The following TYRP1 variants were observed in gnomAD, a reference collection of about 807,000 sequenced individuals.
TYRP1 encodes tyrosinase related protein 1, also known as 5,6-dihydroxyindole-2-carboxylic acid oxidase.
A neutral mutation model predicts 42.8 loss-of-function variants in TYRP1; 49 were observed. The ratio of observed to expected loss-of-function variants is 1.14; its 90% CI spans 0.91 to 1.45. TYRP1 has a LOEUF of 1.45. Among genes scored for constraint, TYRP1 ranks in the 40% most tolerant of loss-of-function variants. The pLI, the probability that TYRP1 is intolerant of heterozygous loss-of-function variation, is 0.00. For synonymous variants in TYRP1, 279 were observed against 235.4 expected, an observed-to-expected ratio of 1.19 and a Z score of -1.69; for missense variants, 848 against 662.0, an observed-to-expected ratio of 1.28 and a Z score of -3.08.
chr9:12,709,147 G>GAA lies in TYRP1; in HGVS notation c.1583_1584dup (p.Leu529AsnfsTer27), dbSNP rs755282108. 7 of 1,612,362 alleles carry GAA rather than the reference G, an allele frequency of 4.3e-6. No homozygotes were observed. In the African/African-American group the frequency reaches 9.4e-5, roughly 22 times the overall value. ...GTATCAATGCTATGCTGAAGAATAT[G>GAA]AAAAACTCCAGAATCCTAATCAGTC... is the stretch of plus-strand genomic sequence containing the variant. On this transcript the variant is annotated frameshift_variant, in exon 8 of 8. Transcript: ENST00000388918. LOFTEE classifies it high-confidence loss of function.
chr9:12,705,942 G>T (rs897827146), intron 6 of TYRP1, among the ~76,000 whole-genome samples: 2 of 152,080 alleles, frequency 1.3e-5, no homozygotes, highest in East Asian at 3.9e-4. Flanking sequence ...TACACTGTCA[G>T]CTTTTTTAAA....
chr9:12,702,814 A>G (rs970822256), intron 5 of TYRP1, among the ~76,000 whole-genome samples: 8 of 151,986 alleles, frequency 5.3e-5, no homozygotes, highest in Non-Finnish European at 1.0e-4. Flanking sequence ...TTTTTTAAAT[A>G]GAGTAATAAA....
chr9:12,698,504 GA>G lies in TYRP1; in HGVS notation c.767del (p.Asn256MetfsTer10), dbSNP rs1818113007. ...TTCCTTACTGGAATTTTGCAACGGG[GA>G]AAAATGTCTGTGATATCTGCACGGA... ...SLPYWNFATG[K>X]NVCDICTDDL... is the part of the protein sequence containing the mutation. On this transcript the variant is annotated frameshift_variant, in exon 4 of 8. Transcript: ENST00000388918. LOFTEE classifies it high-confidence loss of function. 1 of 1,613,798 alleles carries G rather than the reference GA, an allele frequency of 6.2e-7. No homozygotes were observed.
intron 7 of TYRP1, 137 bp downstream of exon 7, chr9:12,708,280 G>T: frequency 9.2e-7 from 1 of 1,084,208 alleles, no homozygotes; most frequent in Non-Finnish European, 1.4e-6. Context: ...TTTTATTTGA[G>T]GATAAGGGAA....
intron 1 of TYRP1, 129 bp from the exon 2 acceptor site, chr9:12,693,783 A>C: frequency 2.5e-6 from 1 of 404,316 alleles, no homozygotes; most frequent in Non-Finnish European, 4.6e-6. Flanking sequence ...GAAATGTCAC[A>C]CTTTTATTAT....
At chr9:12,697,506 A>G (rs1818096580) in intron 3 of TYRP1, among the ~76,000 whole-genome samples, 1 of 152,086 alleles carries the variant, frequency 6.6e-6, no homozygotes, top group African/African-American at 2.4e-5. Flanking sequence ...GGCTCTCTAA[A>G]ACACCCAAGG....
rs1818040970 is a variant in TYRP1, at chr9:12,694,260, G to A, written c.264G>A (p.Glu88=). Residue 88 remains glutamate (E), a synonymous_variant, in exon 2 of 8, where the codon GAG becomes GAA. Coordinates refer to ENST00000388918, the MANE Select transcript of TYRP1 (RefSeq NM_000550.3). ...QYPHDGRDDR[E]VWPLRFFNRT... ...CCCATGATGGCAGAGATGATCGGGA[G>A]GTCTGGCCCTTGCGCTTCTTCAATA... 1.2e-6 allele frequency: 2 copies of A among 1,613,862 alleles called. No individual in the cohort carries two copies. Among genetic ancestry groups the A allele is most frequent in the Non-Finnish European group, 1.7e-6 (2 of 1,179,940 alleles).
chr9:12,701,932 T>A, intron 4 of TYRP1: 1 of 231,730 alleles, frequency 4.3e-6, no homozygotes, highest in Non-Finnish European at 8.5e-6. Flanking sequence ...ATGAGATTAT[T>A]TTGGCAAAAT....
At chr9:12,705,594 C>A (rs1285394838) in intron 6 of TYRP1, among the ~76,000 whole-genome samples, 1 of 152,028 alleles carries the variant, frequency 6.6e-6, no homozygotes, top group Non-Finnish European at 1.5e-5. Context: ...AGCCTGTAAT[C>A]GCAGCACTTT....
intron 6 of TYRP1, among the ~76,000 whole-genome samples, chr9:12,705,891 T>C (rs1425855214): frequency 6.6e-6 from 1 of 152,046 alleles, no homozygotes; most frequent in African/African-American, 2.4e-5. Flanking sequence ...CTCATTTTCA[T>C]GTGTATTTAT....
chr9:12,694,808 C>G (rs1170866808), intron 2 of TYRP1, among the ~76,000 whole-genome samples: 5 of 152,184 alleles, frequency 3.3e-5, no homozygotes, highest in Non-Finnish European at 5.9e-5. Context: ...CCTGCTGACC[C>G]TTAAAGAAGT....
chr9:12,705,762 A>G (rs943795738), intron 6 of TYRP1, among the ~76,000 whole-genome samples: 1 of 151,864 alleles, frequency 6.6e-6, no homozygotes, highest in Admixed American at 6.6e-5. Context: ...CAGGAGAATC[A>G]CTTGACCCTA....
intron 5 of TYRP1, among the ~76,000 whole-genome samples, chr9:12,702,886 G>A (rs1327168714): frequency 6.6e-6 from 1 of 151,774 alleles, no homozygotes; most frequent in Non-Finnish European, 1.5e-5. Context: ...GTTTTATTTA[G>A]GTCCGTATTA....
intron 6 of TYRP1, 124 bp from the exon 7 acceptor site, chr9:12,707,873 A>C: frequency 1.2e-6 from 1 of 860,960 alleles, no homozygotes; most frequent in Non-Finnish European, 1.8e-6. Context: ...ATCTTTATTC[A>C]GTGTAAAATA....
At chr9:12,707,961 T>C in intron 6 of TYRP1, 36 bp from the exon 7 acceptor site, 1 of 1,571,310 alleles carries the variant, frequency 6.4e-7, no homozygotes, top group Non-Finnish European at 8.7e-7. Context: ...TTAATTTTAT[T>C]ATGTTTATTA....
chr9:12,709,220 C>T lies in TYRP1; in HGVS notation c.*38C>T. On this transcript the variant is annotated 3_prime_UTR_variant, in exon 8 of 8. Coordinates refer to ENST00000388918, the MANE Select transcript of TYRP1 (RefSeq NM_000550.3). ...TCTCTTATGCATTAGTATCACAAAA[C>T]CACCTGGTTGAATATAATAGATTGA... 13 of 1,571,684 alleles carry T rather than the reference C, an allele frequency of 8.3e-6. No individual in the cohort carries two copies. The highest frequency in any genetic ancestry group is 1.1e-5 in the Non-Finnish European group (13 of 1,142,474).
Position 12,698,538 on chromosome 9 carries a change from A to T in TYRP1, c.796A>T (p.Met266Leu), listed in dbSNP as rs748170782. ...NVCDICTDDL[M>L]GSRSNFDSTL... ...CTGTGATATCTGCACGGATGACTTG[A>T]TGGGATCCAGAAGCAACTTTGATTC... The change falls in exon 4 of 8, where the codon ATG (methionine) becomes TTG (leucine). Residue 266 changes from methionine to leucine, a missense_variant. Transcript: ENST00000388918. 6 of 1,613,802 alleles carry T rather than the reference A, an allele frequency of 3.7e-6. No homozygotes were observed. The highest frequency in any genetic ancestry group is 5.1e-6 in the Non-Finnish European group (6 of 1,179,822).
At position 12,709,309 on chromosome 9, in the gene TYRP1, A is replaced by AAAG. The variant is rs1159636985; in HGVS notation, c.*128_*130dup. 4.1e-6 allele frequency: 4 copies of AAAG among 972,138 alleles called. No homozygotes were observed. The highest frequency in any genetic ancestry group is 1.6e-5 in the African/African-American group (1 of 61,556). 60.2% of individuals were successfully genotyped at this position (972,138 alleles called of 1,614,324 possible). A position where few individuals can be genotyped will look rare whatever the true frequency, so the allele number is the denominator to read the frequency against. Reference sequence around the variant, plus strand: ...TCTAATACAAGCATATGTTAGCATTAAAGTTCTAGGCATACTTTTCAAAGC... The same window carrying AAAG: ...TCTAATACAAGCATATGTTAGCATTAAAGAAGTTCTAGGCATACTTTTCAAAGC... On this transcript the variant is annotated 3_prime_UTR_variant, in exon 8 of 8. Transcript: ENST00000388918.
intron 3 of TYRP1, 116 bp from the exon 4 acceptor site, chr9:12,698,335 C>G: frequency 1.0e-6 from 1 of 1,000,826 alleles, no homozygotes; most frequent in Non-Finnish European, 1.6e-6. Context: ...ATATACTAAC[C>G]AGTACCTTAT....
Sources: gnomAD v4.1 joint callset for allele counts (sites outside exome capture counted in the v4.1 genomes callset) on GRCh38, gnomAD v4.1.1 for gene constraint, MANE v1.5 for transcripts, NCBI Gene and HGNC (gene_info 2026-07-23, HGNC 2026-07-21) for gene names.